Variants in DGKB observed in about 807,000 individuals in gnomAD.
DGKB encodes diacylglycerol kinase beta.
Under a neutral mutation model 114.3 loss-of-function variants are expected in DGKB, and 67 were observed. The observed-to-expected ratio is 0.59, with a 90% confidence interval of 0.48 to 0.72. The LOEUF is 0.72. Among genes scored for constraint, DGKB ranks in the 30% least tolerant of loss-of-function variants. The pLI, the probability that DGKB is intolerant of heterozygous loss-of-function variation, is 0.00. For synonymous variants in DGKB, 398 were observed against 323.1 expected (o/e 1.23, Z -2.49); for missense variants, 907 against 975.2 (o/e 0.93, Z 0.93).
intron 21 of DGKB, among the ~76,000 whole-genome samples, chr7:14,414,433 A>G (rs1825385285): frequency 6.6e-6 from 1 of 152,136 alleles, no homozygotes; most frequent in Non-Finnish European, 1.5e-5. Flanking sequence ...AGTGTGGTAC[A>G]GCTGCAGAAC....
intron 13 of DGKB, among the ~76,000 whole-genome samples, chr7:14,652,187 A>G (rs537581145): frequency 1.2e-3 from 183 of 149,558 alleles, no homozygotes; most frequent in African/African-American, 2.7e-3. Flanking sequence ...AGCCCACATC[A>G]CCAAGTCAAT....
chr7:14,305,562 C>T (rs1007504628), intron 23 of DGKB, among the ~76,000 whole-genome samples: 1 of 152,094 alleles, frequency 6.6e-6, no homozygotes. Flanking sequence ...CTATTCAGGG[C>T]TGGAATTCAA....
At chr7:14,270,048 CAAAAAAAAAAAAAAA>C (rs397889901) in intron 23 of DGKB, among the ~76,000 whole-genome samples, 2 of 52,862 alleles carry the variant, frequency 3.8e-5, no homozygotes, top group African/African-American at 7.4e-5. Context: ...GCTTTTTTTG[CAAAAAAAAAAAAAAA>C]AAAAAAAAAA....
intron 23 of DGKB, among the ~76,000 whole-genome samples, chr7:14,247,020 A>G (rs73069623): frequency 0.12 from 18,147 of 151,916 alleles, 1,382 homozygotes; most frequent in East Asian, 0.21. Context: ...TGATCTTTCT[A>G]TTTCCTATTT....
At chr7:14,221,796 C>A (rs1276142122) in intron 23 of DGKB, among the ~76,000 whole-genome samples, 1 of 151,204 alleles carries the variant, frequency 6.6e-6, no homozygotes, top group Admixed American at 6.6e-5. Flanking sequence ...TGGGTCTTTG[C>A]TTTTCTTTGT....
chr7:14,814,644 T>G (rs1167080784), intron 2 of DGKB, among the ~76,000 whole-genome samples: 3 of 152,178 alleles, frequency 2.0e-5, no homozygotes, highest in African/African-American at 4.8e-5. Context: ...AATTCTGGAC[T>G]CATTTCCCAC....
At chr7:14,661,961 A>G (rs1212559133) in intron 13 of DGKB, among the ~76,000 whole-genome samples, 1 of 152,106 alleles carries the variant, frequency 6.6e-6, no homozygotes, top group Non-Finnish European at 1.5e-5. Context: ...AAGAACAAAA[A>G]ACCAAACACC....
intron 17 of DGKB, among the ~76,000 whole-genome samples, chr7:14,604,373 T>C (rs182352000): frequency 1.3e-5 from 2 of 152,188 alleles, no homozygotes; most frequent in Admixed American, 1.3e-4. Context: ...ATAAACATAG[T>C]TTTTGAAAAA....
At chr7:14,834,698 G>C (rs1261642356) in intron 2 of DGKB, among the ~76,000 whole-genome samples, 2 of 152,136 alleles carry the variant, frequency 1.3e-5, no homozygotes, top group East Asian at 1.9e-4. Context: ...TGTTGTGTTA[G>C]CCCACTAAGA....
chr7:14,894,790 T>C (rs1338106952), intron 1 of DGKB, among the ~76,000 whole-genome samples: 2 of 151,632 alleles, frequency 1.3e-5, no homozygotes, highest in Non-Finnish European at 3.0e-5. Flanking sequence ...TTTCAGAATA[T>C]GTGGTCTAGT....
At chr7:14,315,101 C>A (rs1003646029) in intron 23 of DGKB, among the ~76,000 whole-genome samples, 12 of 148,092 alleles carry the variant, frequency 8.1e-5, no homozygotes, top group Admixed American at 6.1e-4. Flanking sequence ...TTGTCACCAC[C>A]AGGCCTGCCC....
chr7:14,276,817 T>G (rs1284327715), intron 23 of DGKB, among the ~76,000 whole-genome samples: 3 of 151,928 alleles, frequency 2.0e-5, no homozygotes, highest in African/African-American at 7.2e-5. Context: ...AAGAAAACAT[T>G]TATATTTTTA....
intron 23 of DGKB, among the ~76,000 whole-genome samples, chr7:14,271,579 A>G (rs1403856720): frequency 6.6e-6 from 1 of 152,222 alleles, no homozygotes; most frequent in Non-Finnish European, 1.5e-5. Flanking sequence ...TTAGGATCCC[A>G]GGCAGACAAT....
chr7:14,697,028 C>G (rs1407817809), intron 8 of DGKB, among the ~76,000 whole-genome samples: 2 of 152,144 alleles, frequency 1.3e-5, no homozygotes, highest in Admixed American at 6.5e-5. Context: ...TTCATATACA[C>G]TTTGCTAAAG....
chr7:14,897,757 T>C (rs1034011556), intron 1 of DGKB, among the ~76,000 whole-genome samples: 2 of 152,020 alleles, frequency 1.3e-5, no homozygotes, highest in Non-Finnish European at 2.9e-5. Flanking sequence ...TCATGACTTC[T>C]ACTTATTAAA....
chr7:14,437,151 G>T (rs1411598538), intron 21 of DGKB, among the ~76,000 whole-genome samples: 1 of 151,984 alleles, frequency 6.6e-6, no homozygotes, highest in African/African-American at 2.4e-5. Flanking sequence ...ACGATTTATG[G>T]AGAGGTATTT....
chr7:14,970,048 A>AT (rs1263738562), intron 1 of DGKB, among the ~76,000 whole-genome samples: 1 of 152,162 alleles, frequency 6.6e-6, no homozygotes, highest in Non-Finnish European at 1.5e-5. Flanking sequence ...ATGTGACTGT[A>AT]TTTGAAAGTG....
intron 6 of DGKB, among the ~76,000 whole-genome samples, chr7:14,711,477 A>T (rs1396913463): frequency 6.6e-6 from 1 of 152,136 alleles, no homozygotes; most frequent in Non-Finnish European, 1.5e-5. Flanking sequence ...GAACACACAT[A>T]TTTACCTTGG....
chr7:14,919,368 G>T (rs897693356), intron 1 of DGKB, among the ~76,000 whole-genome samples: 1 of 151,980 alleles, frequency 6.6e-6, no homozygotes, highest in African/African-American at 2.4e-5. Context: ...AAATTCAATG[G>T]AGAAAAAATA....
Sources: allele counts gnomAD v4.1 joint callset (sites outside exome capture counted in the v4.1 genomes callset), GRCh38; gene constraint gnomAD v4.1.1; transcripts MANE v1.5; gene names NCBI Gene and HGNC (gene_info 2026-07-23, HGNC 2026-07-21).